Variants in ABTB3 observed in about 807,000 individuals in gnomAD.
ABTB3 encodes ankyrin repeat- and BTB/POZ domain-containing protein 3.
chr12:107,640,605 A>G, the ABTB3 span, among the ~76,000 whole-genome samples: 3 of 152,206 alleles, frequency 2.0e-5, no homozygotes, highest in Non-Finnish European at 4.4e-5. Flanking sequence ...CTGGGCACAT[A>G]AAGGGGCCAG....
chr12:107,336,374 A>C, the ABTB3 span, among the ~76,000 whole-genome samples: 1 of 152,226 alleles, frequency 6.6e-6, no homozygotes, highest in South Asian at 2.1e-4. Context: ...GAGGGATCAC[A>C]TGGAAGTTAC....
chr12:107,411,150 A>T, the ABTB3 span, among the ~76,000 whole-genome samples: 2 of 152,146 alleles, frequency 1.3e-5, no homozygotes, highest in South Asian at 4.1e-4. Flanking sequence ...AAATACAAAA[A>T]AAATCTGGGC....
At chr12:107,475,040 C>T in the ABTB3 span, among the ~76,000 whole-genome samples, 2 of 152,160 alleles carry the variant, frequency 1.3e-5, no homozygotes, top group South Asian at 2.1e-4. Context: ...CTGAGTCTGC[C>T]GTTCACTCTC....
the ABTB3 span, among the ~76,000 whole-genome samples, chr12:107,470,742 G>A: frequency 6.6e-6 from 1 of 152,220 alleles, no homozygotes; most frequent in Non-Finnish European, 1.5e-5. Context: ...GCTCTGGCTG[G>A]CTGGGCCTCA....
chr12:107,406,005 G>C, the ABTB3 span, among the ~76,000 whole-genome samples: 4 of 152,182 alleles, frequency 2.6e-5, no homozygotes, highest in African/African-American at 9.7e-5. Context: ...GGGCAGCTTA[G>C]GGTTGTGGTT....
chr12:107,505,742 G>A, the ABTB3 span, among the ~76,000 whole-genome samples: 1 of 152,100 alleles, frequency 6.6e-6, no homozygotes, highest in Non-Finnish European at 1.5e-5. Context: ...GTGTCCATGT[G>A]TTCTCATCAC....
chr12:107,367,415 T>C, the ABTB3 span, among the ~76,000 whole-genome samples: 1 of 152,206 alleles, frequency 6.6e-6, no homozygotes, highest in African/African-American at 2.4e-5. Context: ...AACAGAGGGT[T>C]GAATTATTCA....
chr12:107,356,619 C>T, the ABTB3 span, among the ~76,000 whole-genome samples: 1 of 152,204 alleles, frequency 6.6e-6, no homozygotes. Flanking sequence ...TAGCTCTCAT[C>T]TGGCTGGTTC....
At chr12:107,473,824 C>T in the ABTB3 span, among the ~76,000 whole-genome samples, 5 of 140,568 alleles carry the variant, frequency 3.6e-5, no homozygotes, top group African/African-American at 5.3e-5. Context: ...TTTTTTGAGA[C>T]GGAGTCTTGC....
the ABTB3 span, among the ~76,000 whole-genome samples, chr12:107,578,380 C>CTTTTTTTTTTTT: frequency 2.1e-5 from 1 of 46,594 alleles, no homozygotes; most frequent in African/African-American, 8.0e-5. Context: ...TTTCTTTCTT[C>CTTTTTTTTTTTT]TTCTTTTTTT....
At chr12:107,414,321 C>T in the ABTB3 span, among the ~76,000 whole-genome samples, 1 of 152,112 alleles carries the variant, frequency 6.6e-6, no homozygotes, top group South Asian at 2.1e-4. Flanking sequence ...TTCTACAGAA[C>T]GTGATGCTTT....
chr12:107,657,841 C>A, the ABTB3 span: 1 of 922,478 alleles, frequency 1.1e-6, no homozygotes, highest in Non-Finnish European at 1.7e-6. Flanking sequence ...GCTGCCTCTA[C>A]TGCTCCCACG....
At chr12:107,452,915 C>T in the ABTB3 span, among the ~76,000 whole-genome samples, 2 of 152,150 alleles carry the variant, frequency 1.3e-5, no homozygotes, top group South Asian at 4.1e-4. Flanking sequence ...CAAGTTGTAA[C>T]AAGTGATGGG....
At chr12:107,396,076 G>A in the ABTB3 span, among the ~76,000 whole-genome samples, 1 of 152,222 alleles carries the variant, frequency 6.6e-6, no homozygotes, top group Non-Finnish European at 1.5e-5. Context: ...AGCCTGGGAA[G>A]TCCTTTGGCC....
At chr12:107,605,532 T>G in the ABTB3 span, among the ~76,000 whole-genome samples, 1 of 151,464 alleles carries the variant, frequency 6.6e-6, no homozygotes, top group Non-Finnish European at 1.5e-5. Flanking sequence ...AAGAGGAGAG[T>G]CGCTGTTGCA....
At chr12:107,473,942 T>C in the ABTB3 span, among the ~76,000 whole-genome samples, 1 of 151,670 alleles carries the variant, frequency 6.6e-6, no homozygotes, top group Non-Finnish European at 1.5e-5. Context: ...ACCATCACAC[T>C]TGGCTAATTT....
chr12:107,392,090 T>C, the ABTB3 span, among the ~76,000 whole-genome samples: 7 of 152,196 alleles, frequency 4.6e-5, no homozygotes, highest in Non-Finnish European at 5.9e-5. Flanking sequence ...GGGCTGTTTG[T>C]GAGTGAATGG....
the ABTB3 span, among the ~76,000 whole-genome samples, chr12:107,500,768 C>T: frequency 7.9e-5 from 12 of 152,202 alleles, no homozygotes; most frequent in African/African-American, 2.7e-4. Context: ...GCTGTGCTCC[C>T]ACCCGGCCTG....
the ABTB3 span, among the ~76,000 whole-genome samples, chr12:107,626,736 A>G: frequency 1.3e-5 from 2 of 152,194 alleles, no homozygotes; most frequent in Admixed American, 6.5e-5. Flanking sequence ...AAAAACCTCC[A>G]TGTAAGCAGA....
Sources: allele counts gnomAD v4.1 joint callset (sites outside exome capture counted in the v4.1 genomes callset), GRCh38; gene constraint gnomAD v4.1.1; transcripts MANE v1.5; gene names NCBI Gene and HGNC (gene_info 2026-07-23, HGNC 2026-07-21).